The following VGLL3 variants were observed in gnomAD, a reference collection of about 807,000 sequenced individuals.
The protein encoded by VGLL3 is vestigial like family member 3, also known as transcription cofactor vestigial-like protein 3.
In VGLL3, 18 loss-of-function variants were observed where a neutral mutation model predicts 29.2. The observed-to-expected ratio is 0.62, with a 90% CI of 0.43 to 0.91. The LOEUF (loss-of-function observed/expected upper bound fraction) is 0.91. Among genes scored for constraint, VGLL3 ranks in the 40% least tolerant of loss-of-function variants. The probability of loss-of-function intolerance (pLI) is 0.00; values close to 1 mark genes in which losing one functional copy is unlikely to be tolerated. For missense variants in VGLL3, 440 were observed against 413.2 expected, an observed-to-expected ratio of 1.06 and a Z score of -0.56; for synonymous variants, 180 against 151.8, an observed-to-expected ratio of 1.19 and a Z score of -1.36.
At chr3:86,980,053 A>AATGTATTAT (rs1705291003) in intron 1 of VGLL3, among the ~76,000 whole-genome samples, 1 of 152,126 alleles carries the variant, frequency 6.6e-6, no homozygotes, top group Non-Finnish European at 1.5e-5. Flanking sequence ...AAAGATATGA[A>AATGTATTAT]ATGTATTATT....
rs1310733273 is a variant in VGLL3, at chr3:86,946,793, C to A, written c.*231G>T. 3 of 439,774 alleles carry A rather than the reference C, an allele frequency of 6.8e-6. No individual in the cohort carries two copies. Among genetic ancestry groups the A allele is most frequent in the Non-Finnish European group, 1.2e-5 (3 of 247,344 alleles). The allele number at this position is 439,774 out of a possible 1,614,324, so 27.2% of individuals were successfully genotyped here. Reference sequence around the variant, plus strand: ...AAGATAACAAAAGGAGAGAGTTGCACAGTTGGCAAAGGCTCAGATGAGGAA... The same window carrying A: ...AAGATAACAAAAGGAGAGAGTTGCAAAGTTGGCAAAGGCTCAGATGAGGAA... On this transcript the variant is annotated 3_prime_UTR_variant, in exon 4 of 4. Coordinates refer to ENST00000398399, the MANE Select transcript of VGLL3 (RefSeq NM_016206.4).
rs1704492040 is a variant in VGLL3, at chr3:86,945,597, G to A, written c.*1427C>T. 1 of 152,132 alleles carries A rather than the reference G, an allele frequency of 6.6e-6. No homozygotes were observed. Among genetic ancestry groups the A allele is most frequent in the Non-Finnish European group, 1.5e-5 (1 of 68,008 alleles). The allele number at this position is 152,132 out of a possible 1,614,324, so 9.4% of individuals were successfully genotyped here. A position where few individuals can be genotyped will look rare whatever the true frequency, so the allele number is the denominator to read the frequency against. On this transcript the variant is annotated 3_prime_UTR_variant, in exon 4 of 4. Coordinates refer to ENST00000398399, the MANE Select transcript of VGLL3 (RefSeq NM_016206.4). The stretch of plus-strand genomic sequence containing the variant: ...ATAATCTTAATCTTCTCCTAGCAGT[G>A]TCTTAATGATAATTTAAACTTTATT...
At position 86,944,743 on chromosome 3, in the gene VGLL3, A is replaced by G. The variant is rs1369243325; in HGVS notation, c.*2281T>C. ...TGCCCTTCAATTAAATTTGGTGGAA[A>G]ATAAGAAATGGAGCTAGGAATAACT... is the stretch of plus-strand genomic sequence containing the variant. On this transcript the variant is annotated 3_prime_UTR_variant, in exon 4 of 4. Coordinates refer to ENST00000398399, the MANE Select transcript of VGLL3 (RefSeq NM_016206.4). 1 of 152,218 alleles carries G rather than the reference A, an allele frequency of 6.6e-6. No individual in the cohort carries two copies. The highest frequency in any genetic ancestry group is 1.5e-5 in the Non-Finnish European group (1 of 68,028). 9.4% of individuals were successfully genotyped at this position (152,218 alleles called of 1,614,324 possible).
At position 86,990,921 on chromosome 3, in the gene VGLL3, C is replaced by T; in HGVS notation, c.-178G>A. 1 of 1,103,702 alleles carries T rather than the reference C, an allele frequency of 9.1e-7. No homozygotes were observed. Among genetic ancestry groups the T allele is most frequent in the African/African-American group, 1.7e-5 (1 of 60,132 alleles). The allele number at this position is 1,103,702 out of a possible 1,614,324, so 68.4% of individuals were successfully genotyped here. A position where few individuals can be genotyped will look rare whatever the true frequency, so the allele number is the denominator to read the frequency against. ...GCGCGGGGCGCGGGGTCGGGAGGGA[C>T]TGGCAATCAGCGGGGGCCCATGCGC... On this transcript the variant is annotated 5_prime_UTR_variant, in exon 1 of 4. Coordinates refer to ENST00000398399, the MANE Select transcript of VGLL3 (RefSeq NM_016206.4).
At chr3:86,981,860 A>C (rs988041538) in intron 1 of VGLL3, among the ~76,000 whole-genome samples, 1 of 152,152 alleles carries the variant, frequency 6.6e-6, no homozygotes, top group Non-Finnish European at 1.5e-5. Context: ...GCACACACAC[A>C]CTCACATACA....
Position 86,978,389 on chromosome 3 carries a change from G to T in VGLL3, c.403+137C>A, listed in dbSNP as rs1705252125. On this transcript the variant is annotated intron_variant, in intron 2 of 3. Coordinates refer to ENST00000398399, the MANE Select transcript of VGLL3 (RefSeq NM_016206.4). ...AACCGATCCAGCTGTTTGTCTGAAA[G>T]AAATTCCTCACTGTCCTTAAATATT... 4.0e-5 allele frequency: 41 copies of T among 1,032,346 alleles called. No individual in the cohort carries two copies. The South Asian group carries it at 5.9e-4, about 15-fold the overall frequency. 63.9% of individuals were successfully genotyped at this position (1,032,346 alleles called of 1,614,324 possible).
chr3:86,977,387 G>A (rs1484191071), intron 2 of VGLL3, among the ~76,000 whole-genome samples: 1 of 152,092 alleles, frequency 6.6e-6, no homozygotes, highest in African/African-American at 2.4e-5. Flanking sequence ...TGCCCAGAAG[G>A]TACCACTAGT....
intron 3 of VGLL3, among the ~76,000 whole-genome samples, chr3:86,960,888 A>AT (rs1390831685): frequency 4.0e-5 from 6 of 150,390 alleles, no homozygotes; most frequent in Non-Finnish European, 4.4e-5. Flanking sequence ...TAAGCTCTAG[A>AT]TTTCATGGAC....
rs983059601 is a variant in VGLL3, at chr3:86,943,978, T to C, written c.*3046A>G. On this transcript the variant is annotated 3_prime_UTR_variant, in exon 4 of 4. Transcript: ENST00000398399. The stretch of plus-strand genomic sequence containing the variant: ...GTTTTAATAAAATTGTGGAGGCAGA[T>C]AGTAGCCCTCAATAAAACAGTTCGG... 1.3e-5 allele frequency: 2 copies of C among 152,128 alleles called. No individual in the cohort carries two copies. The highest frequency in any genetic ancestry group is 4.8e-5 in the African/African-American group (2 of 41,426). The allele number at this position is 152,128 out of a possible 1,614,324, so 9.4% of individuals were successfully genotyped here. A position where few individuals can be genotyped will look rare whatever the true frequency, so the allele number is the denominator to read the frequency against.
chr3:86,949,552 C>T (rs1051846858), intron 3 of VGLL3, among the ~76,000 whole-genome samples: 18 of 151,660 alleles, frequency 1.2e-4, no homozygotes, highest in Admixed American at 3.3e-4. Flanking sequence ...GCTGGCTGGG[C>T]GCGGTGGCTC....
chr3:86,990,653 C>G lies in VGLL3; in HGVS notation c.91G>C (p.Ala31Pro). Residue 31 changes from alanine to proline, a missense_variant, in exon 1 of 4, where the codon GCC (alanine) becomes CCC (proline). By Grantham distance (27) the Ala-to-Pro change is conservative (BLOSUM62 -1). Transcript: ENST00000398399. ...NPMAATTCPT[A>P]YYQPAPQPGQ... ...GGTTGGGGCGCCGGCTGATAGTAGGCTGTGGGGCAGGTTGTCGCTGCCATG... is the reference window on the plus strand; with the variant it reads ...GGTTGGGGCGCCGGCTGATAGTAGGGTGTGGGGCAGGTTGTCGCTGCCATG... 1 of 1,395,764 alleles carries G rather than the reference C, an allele frequency of 7.2e-7. No individual in the cohort carries two copies. The highest frequency in any genetic ancestry group is 9.3e-7 in the Non-Finnish European group (1 of 1,070,314). The allele number at this position is 1,395,764 out of a possible 1,614,324, so 86.5% of individuals were successfully genotyped here.
chr3:86,990,063 T>A (rs995876560), intron 1 of VGLL3, among the ~76,000 whole-genome samples: 3 of 152,132 alleles, frequency 2.0e-5, no homozygotes, highest in African/African-American at 7.2e-5. Context: ...TCCATCCCTG[T>A]CCTCTAAGTC....
chr3:86,948,362 T>G (rs774040127), intron 3 of VGLL3, among the ~76,000 whole-genome samples: 10 of 152,150 alleles, frequency 6.6e-5, no homozygotes, highest in Non-Finnish European at 1.5e-4. Flanking sequence ...GTTCAAAGTT[T>G]TTCTATTATT....
chr3:86,986,498 TC>T (rs1233880062), intron 1 of VGLL3, among the ~76,000 whole-genome samples: 1 of 152,186 alleles, frequency 6.6e-6, no homozygotes, highest in Non-Finnish European at 1.5e-5. Flanking sequence ...ACTTTAAGTC[TC>T]GAAGTCTCTA....
intron 3 of VGLL3, chr3:86,961,959 AG>A: frequency 1.0e-6 from 1 of 981,526 alleles, no homozygotes; most frequent in Non-Finnish European, 1.2e-6. Context: ...TATATGCTAT[AG>A]GGAACTGTGA....
In VGLL3 at chr3:86,939,319, C is replaced by T. The variant is rs1046404695; in HGVS notation, c.*7705G>A. On this transcript the variant is annotated 3_prime_UTR_variant, in exon 4 of 4. Transcript: ENST00000398399. ...ATGTTACTGTACATGGAAAAAGGGCCTTTAAAGATGTAATTAAGAACCTTG... is the reference window on the plus strand; with the variant it reads ...ATGTTACTGTACATGGAAAAAGGGCTTTTAAAGATGTAATTAAGAACCTTG... 2.0e-5 allele frequency: 3 copies of T among 152,126 alleles called. No individual in the cohort carries two copies. Among genetic ancestry groups the T allele is most frequent in the African/African-American group, 4.8e-5 (2 of 41,414 alleles). 9.4% of individuals were successfully genotyped at this position (152,126 alleles called of 1,614,324 possible).
At position 86,958,218 on chromosome 3, in the gene VGLL3, A is replaced by T. The variant is rs1049448557; in HGVS notation, c.937+10372T>A. Among the ~76,000 whole-genome samples the T allele has an allele frequency of 3.3e-5, 5 of 152,030 alleles. No individual in the cohort carries two copies. In the East Asian group the frequency reaches 9.7e-4, roughly 29 times the overall value. ...CAATAAACATTTTTGTACACATATCATATGCTGCTGCTTCTATTTATGGGA... is the reference window on the plus strand; with the variant it reads ...CAATAAACATTTTTGTACACATATCTTATGCTGCTGCTTCTATTTATGGGA... On this transcript the variant is annotated intron_variant, in intron 3 of 3. Transcript: ENST00000398399.
intron 3 of VGLL3, among the ~76,000 whole-genome samples, chr3:86,965,632 A>C (rs1218767254): frequency 6.6e-6 from 1 of 152,156 alleles, no homozygotes; most frequent in Non-Finnish European, 1.5e-5. Context: ...GTTGCCGGCA[A>C]TTCCTGACTC....
intron 3 of VGLL3, among the ~76,000 whole-genome samples, chr3:86,955,364 A>ATC (rs1240675243): frequency 3.4e-4 from 50 of 148,410 alleles, no homozygotes; most frequent in Non-Finnish European, 4.8e-4. Flanking sequence ...GAAACTTTTC[A>ATC]TCTCTCTCTC....
Sources: gnomAD v4.1 joint callset for allele counts (sites outside exome capture counted in the v4.1 genomes callset) on GRCh38, gnomAD v4.1.1 for gene constraint, MANE v1.5 for transcripts, NCBI Gene and HGNC (gene_info 2026-07-23, HGNC 2026-07-21) for gene names.